SMYD3: variants seen among roughly 807,000 people sequenced by gnomAD.
SMYD3 encodes the protein SET and MYND domain containing 3.
A neutral mutation model predicts 57.7 loss-of-function variants in SMYD3; 36 were observed. That is an observed-to-expected ratio of 0.62 (90% confidence interval 0.48 to 0.82). The LOEUF is 0.82. Ranked by LOEUF, SMYD3 falls within the 40% of genes least tolerant of loss-of-function variation. The pLI is 0.00. For missense variants in SMYD3, 515 were observed against 538.8 expected (o/e 0.96, Z 0.44); for synonymous variants, 211 against 195.0 (o/e 1.08, Z -0.68).
intron 1 of SMYD3, among the ~76,000 whole-genome samples, chr1:246,443,219 T>C (rs1284453762): frequency 6.6e-6 from 1 of 152,236 alleles, no homozygotes; most frequent in East Asian, 1.9e-4. Flanking sequence ...AAGATTCTAA[T>C]GTGTTAAACC....
intron 8 of SMYD3, among the ~76,000 whole-genome samples, chr1:245,864,424 A>T (rs1434613027): frequency 6.6e-6 from 1 of 152,242 alleles, no homozygotes; most frequent in African/African-American, 2.4e-5. Context: ...TACATGCTAC[A>T]ACATGGATGA....
At chr1:246,256,792 C>T (rs866153574) in intron 5 of SMYD3, among the ~76,000 whole-genome samples, 18 of 152,008 alleles carry the variant, frequency 1.2e-4, no homozygotes, top group African/African-American at 3.4e-4. Flanking sequence ...TAACTTCCTG[C>T]GGTAGGTATT....
intron 5 of SMYD3, among the ~76,000 whole-genome samples, chr1:246,246,641 C>T (rs939697049): frequency 6.6e-6 from 1 of 151,994 alleles, no homozygotes; most frequent in African/African-American, 2.4e-5. Flanking sequence ...ACCTACTGGA[C>T]ACTTTATAAT....
At chr1:245,910,437 A>G (rs1274179875) in intron 8 of SMYD3, among the ~76,000 whole-genome samples, 1 of 152,142 alleles carries the variant, frequency 6.6e-6, no homozygotes, top group African/African-American at 2.4e-5. Flanking sequence ...GAAAAGAAAA[A>G]GGCAATCCGG....
intron 5 of SMYD3, among the ~76,000 whole-genome samples, chr1:246,219,523 T>C (rs1236853258): frequency 6.6e-6 from 1 of 152,140 alleles, no homozygotes; most frequent in African/African-American, 2.4e-5. Context: ...TGTGACTTCA[T>C]TTCTCCCAGA....
At chr1:246,112,836 A>G (rs1170756928) in intron 5 of SMYD3, among the ~76,000 whole-genome samples, 1 of 152,256 alleles carries the variant, frequency 6.6e-6, no homozygotes, top group Non-Finnish European at 1.5e-5. Flanking sequence ...ATCTTGAAGT[A>G]TAAGTAAAAA....
chr1:245,806,636 C>A (rs994165883), intron 10 of SMYD3, among the ~76,000 whole-genome samples: 3 of 152,064 alleles, frequency 2.0e-5, no homozygotes, highest in Non-Finnish European at 4.4e-5. Flanking sequence ...GAAGGCCGGG[C>A]GCGGTGGCTC....
intron 1 of SMYD3, among the ~76,000 whole-genome samples, chr1:246,474,074 A>T (rs2067995816): frequency 6.6e-6 from 1 of 152,244 alleles, no homozygotes. Flanking sequence ...CATGCTTACT[A>T]ATAGTTAACA....
intron 10 of SMYD3, among the ~76,000 whole-genome samples, chr1:245,833,163 G>T (rs1347315990): frequency 6.6e-6 from 1 of 151,130 alleles, no homozygotes; most frequent in Non-Finnish European, 1.5e-5. Context: ...TGCAAAGATA[G>T]TAGAGTGTTC....
chr1:246,035,030 C>G (rs2059746636), intron 5 of SMYD3, among the ~76,000 whole-genome samples: 1 of 152,128 alleles, frequency 6.6e-6, no homozygotes, highest in Non-Finnish European at 1.5e-5. Context: ...AGGAGGAAAG[C>G]CTGTGGCACA....
chr1:246,031,601 G>C (rs2059675456), intron 5 of SMYD3, among the ~76,000 whole-genome samples: 1 of 152,100 alleles, frequency 6.6e-6, no homozygotes, highest in African/African-American at 2.4e-5. Context: ...GCCAGGCGTG[G>C]TGGCGGGCGC....
At position 246,504,402 on chromosome 1, in the gene SMYD3, C is replaced by T. The variant is rs552435988; in HGVS notation, c.164+2652G>A. Among the ~76,000 whole-genome samples the T allele has an allele frequency of 9.2e-5, 14 of 152,242 alleles. No individual in the cohort carries two copies. In the East Asian group the frequency reaches 2.1e-3, roughly 23 times the overall value. ...GCTCTGAGGCTATAAACCTGCACCG[C>T]GTGTTACTGTACTGAATACTGTAGG... On this transcript the variant is annotated intron_variant, in intron 1 of 11. Transcript: ENST00000490107.
At chr1:246,205,043 C>G (rs902201307) in intron 5 of SMYD3, among the ~76,000 whole-genome samples, 2 of 151,826 alleles carry the variant, frequency 1.3e-5, no homozygotes, top group Non-Finnish European at 2.9e-5. Flanking sequence ...GAACCCACTC[C>G]GAACTACACT....
At chr1:245,988,107 A>AACACACACAC (rs35432668) in intron 5 of SMYD3, among the ~76,000 whole-genome samples, 2 of 148,686 alleles carry the variant, frequency 1.3e-5, no homozygotes, top group African/African-American at 2.5e-5. Context: ...AACCAAACCA[A>AACACACACAC]ACACACACAC....
At chr1:245,839,866 C>T (rs2050314308) in intron 10 of SMYD3, among the ~76,000 whole-genome samples, 1 of 152,006 alleles carries the variant, frequency 6.6e-6, no homozygotes, top group African/African-American at 2.4e-5. Context: ...ACCAATTATC[C>T]TTTGAGAGAC....
chr1:246,498,377 A>ACG (rs1558492550), intron 1 of SMYD3, among the ~76,000 whole-genome samples: 1 of 152,066 alleles, frequency 6.6e-6, no homozygotes, highest in Non-Finnish European at 1.5e-5. Flanking sequence ...AACTGATAGT[A>ACG]GAGTGATTTC....
At chr1:246,093,061 A>T (rs963009495) in intron 5 of SMYD3, among the ~76,000 whole-genome samples, 1 of 152,196 alleles carries the variant, frequency 6.6e-6, no homozygotes, top group Admixed American at 6.5e-5. Flanking sequence ...CCATAATGAG[A>T]TATCATCTCA....
At chr1:246,094,847 A>G (rs1311625529) in intron 5 of SMYD3, among the ~76,000 whole-genome samples, 1 of 152,048 alleles carries the variant, frequency 6.6e-6, no homozygotes, top group Non-Finnish European at 1.5e-5. Context: ...TCTAACCTGC[A>G]TCTAAATCTG....
At position 245,913,120 on chromosome 1, in the gene SMYD3, C is replaced by T. The variant is rs554623465; in HGVS notation, c.813+2410G>A. On this transcript the variant is annotated intron_variant, in intron 8 of 11. Transcript: ENST00000490107. The stretch of plus-strand genomic sequence containing the variant: ...AAGACTTGGAACCAACCCAAATGTC[C>T]AACAATGATAGACTGGATTAAGAAA... Among the ~76,000 whole-genome samples, 684 of 152,144 alleles carry T rather than the reference C, an allele frequency of 4.5e-3. 6 individuals carry two copies. Among genetic ancestry groups the T allele is most frequent in the African/African-American group, 0.016 (656 of 41,482 alleles).
Sources: gnomAD v4.1 joint callset for allele counts (sites outside exome capture counted in the v4.1 genomes callset) on GRCh38, gnomAD v4.1.1 for gene constraint, MANE v1.5 for transcripts, NCBI Gene and HGNC (gene_info 2026-07-23, HGNC 2026-07-21) for gene names.